Variants in CHRM3 observed in about 807,000 individuals in gnomAD.
CHRM3 encodes the protein cholinergic receptor muscarinic 3.
Under a neutral mutation model 41.8 loss-of-function variants are expected in CHRM3, and 11 were observed. That is an observed-to-expected ratio of 0.26 (90% CI 0.17 to 0.44). The LOEUF (loss-of-function observed/expected upper bound fraction) is 0.44, where lower values mean the gene tolerates loss of function less well. Among genes scored for constraint, CHRM3 ranks in the 20% least tolerant of loss-of-function variants. The pLI, the probability that CHRM3 is intolerant of heterozygous loss-of-function variation, is 1.00. For missense variants in CHRM3, 571 were observed against 745.4 expected, an observed-to-expected ratio of 0.77 and a Z score of 2.72; for synonymous variants, 297 against 301.4, an observed-to-expected ratio of 0.99 and a Z score of 0.15.
intron 3 of CHRM3, among the ~76,000 whole-genome samples, chr1:239,625,140 T>A (rs1668897938): frequency 1.8e-5 from 1 of 54,418 alleles, no homozygotes; most frequent in Non-Finnish European, 3.1e-5. Context: ...GAGCATGGAA[T>A]GTTCTTCCAT....
At chr1:239,751,517 C>T (rs1276993379) in intron 5 of CHRM3, among the ~76,000 whole-genome samples, 1 of 152,112 alleles carries the variant, frequency 6.6e-6, no homozygotes, top group African/African-American at 2.4e-5. Flanking sequence ...AGAACAAATG[C>T]CCATTGGGCA....
At chr1:239,618,178 G>A (rs893626281) in intron 3 of CHRM3, among the ~76,000 whole-genome samples, 7 of 151,242 alleles carry the variant, frequency 4.6e-5, no homozygotes, top group South Asian at 2.1e-4. Context: ...GGGCAGTGAT[G>A]TGAACTTAAG....
intron 3 of CHRM3, among the ~76,000 whole-genome samples, chr1:239,580,932 A>T (rs1283624700): frequency 1.3e-5 from 2 of 151,802 alleles, no homozygotes; most frequent in Non-Finnish European, 2.9e-5. Flanking sequence ...TGGGTGTCTG[A>T]CTACCCAAAT....
At chr1:239,508,688 G>C (rs1668732026) in intron 2 of CHRM3, among the ~76,000 whole-genome samples, 1 of 152,108 alleles carries the variant, frequency 6.6e-6, no homozygotes, top group African/African-American at 2.4e-5. Flanking sequence ...AAGTGCTTTT[G>C]ACATGGTGGG....
intron 5 of CHRM3, among the ~76,000 whole-genome samples, chr1:239,821,404 A>T (rs1672035495): frequency 6.6e-6 from 1 of 152,174 alleles, no homozygotes; most frequent in African/African-American, 2.4e-5. Context: ...CTTTACTTTG[A>T]CATCAATGCT....
intron 5 of CHRM3, among the ~76,000 whole-genome samples, chr1:239,769,668 A>G (rs605972): frequency 0.98 from 149,710 of 152,286 alleles, 73,642 homozygotes; most frequent in East Asian, 1. Flanking sequence ...GATCACCTGA[A>G]GTGAGGAGTT....
At position 239,411,652 on chromosome 1, in the gene CHRM3, G is replaced by GAGGC. The variant is rs550076332; in HGVS notation, c.-521+24428_-521+24431dup. Among the ~76,000 whole-genome samples the GAGGC allele has an allele frequency of 6.5e-3, 947 of 145,634 alleles. 12 individuals carry two copies. The highest frequency in any genetic ancestry group is 0.023 in the African/African-American group (884 of 39,172). Reference sequence around the variant, plus strand: ...AGGCAGGACAATCGCTTGAACCCGGGAGGCAGAGGTTGCAGTGAGCCAAGA... The same window carrying GAGGC: ...AGGCAGGACAATCGCTTGAACCCGGGAGGCAGGCAGAGGTTGCAGTGAGCCAAGA... On this transcript the variant is annotated intron_variant, in intron 1 of 6. Transcript: ENST00000676153.
chr1:239,886,334 G>T (rs1306770822), intron 6 of CHRM3: 2 of 152,170 alleles, frequency 1.3e-5, no homozygotes, highest in African/African-American at 4.8e-5. Context: ...CAGTGATACT[G>T]CTTTGGGTTA....
intron 3 of CHRM3, among the ~76,000 whole-genome samples, chr1:239,558,923 CTT>C (rs1660620198): frequency 1.3e-5 from 2 of 152,074 alleles, no homozygotes; most frequent in East Asian, 1.9e-4. Context: ...GCTGATTTTC[CTT>C]TGTTACCCTA....
At chr1:239,859,990 C>T (rs926929678) in intron 6 of CHRM3, among the ~76,000 whole-genome samples, 1 of 152,032 alleles carries the variant, frequency 6.6e-6, no homozygotes, top group Admixed American at 6.6e-5. Flanking sequence ...TGAAACCAAG[C>T]CTCCAACAAT....
intron 3 of CHRM3, among the ~76,000 whole-genome samples, chr1:239,557,257 C>G (rs527862055): frequency 1.1e-4 from 16 of 152,278 alleles, no homozygotes; most frequent in South Asian, 6.2e-4. Context: ...ATTCAAACCT[C>G]CTTTAAAACT....
intron 4 of CHRM3, among the ~76,000 whole-genome samples, chr1:239,663,611 A>G (rs969213509): frequency 3.9e-5 from 6 of 152,216 alleles, no homozygotes; most frequent in African/African-American, 1.2e-4. Flanking sequence ...AGCTTTATAT[A>G]TTAGGTTTCC....
At chr1:239,723,824 A>G (rs1181237502) in intron 5 of CHRM3, among the ~76,000 whole-genome samples, 1 of 151,828 alleles carries the variant, frequency 6.6e-6, no homozygotes, top group Non-Finnish European at 1.5e-5. Context: ...GGATTCTAGA[A>G]CTTAAAGATG....
In CHRM3 at chr1:239,847,775, G is replaced by A. The variant is rs887854985; in HGVS notation, c.-20+20397G>A. Among the ~76,000 whole-genome samples, 4 of 151,818 alleles carry A rather than the reference G, an allele frequency of 2.6e-5. 1 individual carries two copies. The South Asian group carries it at 8.3e-4, about 32-fold the overall frequency. On this transcript the variant is annotated intron_variant, in intron 6 of 6. Transcript: ENST00000676153. ...AAACACATACAAAAACTAGCCAGGT[G>A]TTGGTGGTGCATGCCTGTAGTCCCA...
At chr1:239,610,483 G>A (rs901874067) in intron 3 of CHRM3, among the ~76,000 whole-genome samples, 15 of 152,050 alleles carry the variant, frequency 9.9e-5, no homozygotes, top group Non-Finnish European at 1.5e-5. Flanking sequence ...TCTCTCTAAT[G>A]CTGCTCCTAA....
At chr1:239,859,510 C>T (rs1675429402) in intron 6 of CHRM3, among the ~76,000 whole-genome samples, 1 of 149,628 alleles carries the variant, frequency 6.7e-6, no homozygotes, top group Non-Finnish European at 1.5e-5. Flanking sequence ...ACTGCAAACT[C>T]CGCCTCCCGG....
chr1:239,808,523 C>T (rs965336544), intron 5 of CHRM3, among the ~76,000 whole-genome samples: 1 of 152,122 alleles, frequency 6.6e-6, no homozygotes, highest in Non-Finnish European at 1.5e-5. Context: ...AGCTGTAGTA[C>T]GAGATCAAAT....
At chr1:239,655,508 G>A (rs1446086262) in intron 4 of CHRM3, among the ~76,000 whole-genome samples, 2 of 152,116 alleles carry the variant, frequency 1.3e-5, no homozygotes, top group Non-Finnish European at 2.9e-5. Flanking sequence ...ATCTATTTGA[G>A]GTCCCTAGTT....
chr1:239,589,661 T>C (rs1663876309), intron 3 of CHRM3, among the ~76,000 whole-genome samples: 1 of 136,582 alleles, frequency 7.3e-6, no homozygotes, highest in African/African-American at 2.7e-5. Context: ...TATATATATA[T>C]ATATATATAG....
Sources: gnomAD v4.1 joint callset for allele counts (sites outside exome capture counted in the v4.1 genomes callset) on GRCh38, gnomAD v4.1.1 for gene constraint, MANE v1.5 for transcripts, NCBI Gene and HGNC (gene_info 2026-07-23, HGNC 2026-07-21) for gene names.